The following IGSF11 variants were observed in gnomAD, a reference collection of about 807,000 sequenced individuals.
IGSF11 encodes the protein immunoglobulin superfamily member 11.
In IGSF11, 22 loss-of-function variants were observed where a neutral mutation model predicts 41.0. The observed-to-expected ratio is 0.54, with a 90% CI of 0.38 to 0.77. The LOEUF is 0.77. IGSF11 is among the 30% of genes least tolerant of loss of function. IGSF11 has a pLI of 0.00. For synonymous variants in IGSF11, 219 were observed against 201.3 expected (o/e 1.09, Z -0.74); for missense variants, 444 against 530.8 (o/e 0.84, Z 1.61).
chr3:119,117,936 C>T (rs150349343), intron 1 of IGSF11, among the ~76,000 whole-genome samples: 183 of 152,298 alleles, frequency 1.2e-3, no homozygotes, highest in African/African-American at 3.9e-3. Flanking sequence ...CCTATGACTC[C>T]GTGTCTCACA....
intron 1 of IGSF11, among the ~76,000 whole-genome samples, chr3:118,986,800 G>A (rs1325252334): frequency 6.6e-6 from 1 of 152,086 alleles, no homozygotes; most frequent in Non-Finnish European, 1.5e-5. Context: ...CACAGAAATT[G>A]AGCAAAAAGA....
chr3:118,960,000 G>A (rs556432110), intron 1 of IGSF11, among the ~76,000 whole-genome samples: 19 of 150,260 alleles, frequency 1.3e-4, no homozygotes, highest in African/African-American at 4.2e-4. Flanking sequence ...AGCGGAGATC[G>A]CGCCACTGCA....
chr3:118,905,784 G>C, intron 4 of IGSF11, 66 bp from the exon 5 acceptor site: 2 of 1,576,130 alleles, frequency 1.3e-6, no homozygotes, highest in Non-Finnish European at 1.7e-6. Flanking sequence ...AGAAATCAGC[G>C]GAAGACCATA....
intron 1 of IGSF11, among the ~76,000 whole-genome samples, chr3:119,136,102 T>C (rs377727444): frequency 2.6e-5 from 4 of 152,160 alleles, no homozygotes; most frequent in East Asian, 3.9e-4. Context: ...TTAGGAGAAA[T>C]ATCTAATGTA....
intron 1 of IGSF11, among the ~76,000 whole-genome samples, chr3:119,114,334 T>C (rs2077227216): frequency 2.0e-5 from 3 of 152,234 alleles, no homozygotes; most frequent in Admixed American, 2.0e-4. Context: ...ATATAAGTTC[T>C]AATTCCAGGT....
At chr3:118,952,910 T>C (rs1454283048) in intron 1 of IGSF11, among the ~76,000 whole-genome samples, 1 of 152,134 alleles carries the variant, frequency 6.6e-6, no homozygotes, top group Non-Finnish European at 1.5e-5. Context: ...AACTTTTTTT[T>C]ATTTCCATAG....
chr3:119,050,696 C>T (rs1216991353), intron 1 of IGSF11, among the ~76,000 whole-genome samples: 1 of 151,934 alleles, frequency 6.6e-6, no homozygotes, highest in East Asian at 1.9e-4. Context: ...CACATGCACA[C>T]GTATGTTTAT....
At chr3:119,130,677 C>G (rs1158927189) in intron 1 of IGSF11, among the ~76,000 whole-genome samples, 4 of 152,190 alleles carry the variant, frequency 2.6e-5, no homozygotes, top group Non-Finnish European at 5.9e-5. Context: ...CTTAAACGTC[C>G]CTGTCTGACA....
chr3:119,063,866 TCTTCA>T, intron 1 of IGSF11, among the ~76,000 whole-genome samples: 3 of 152,324 alleles, frequency 2.0e-5, no homozygotes, highest in Admixed American at 2.0e-4. Flanking sequence ...AATGTGAGTG[TCTTCA>T]CTTGCTCTGT....
chr3:118,950,407 A>G (rs1944485124), intron 1 of IGSF11, among the ~76,000 whole-genome samples: 1 of 152,152 alleles, frequency 6.6e-6, no homozygotes, highest in Non-Finnish European at 1.5e-5. Context: ...AGTGATAGCA[A>G]ATGTTGATTG....
intron 1 of IGSF11, among the ~76,000 whole-genome samples, chr3:118,964,331 A>C (rs1269981498): frequency 1.3e-5 from 2 of 152,212 alleles, no homozygotes; most frequent in African/African-American, 4.8e-5. Context: ...TTCCATAGAC[A>C]GTTAACCAAC....
intron 1 of IGSF11, among the ~76,000 whole-genome samples, chr3:119,072,533 C>T (rs944732764): frequency 2.0e-5 from 3 of 152,164 alleles, no homozygotes; most frequent in Non-Finnish European, 2.9e-5. Flanking sequence ...TTCTGATGTT[C>T]GGACGTGTTC....
Position 119,093,543 on chromosome 3 carries a change from G to A in IGSF11, c.49+11601C>T, listed in dbSNP as rs2076799615. Reference sequence around the variant, plus strand: ...TTAATAACCACGAGGTATCTTCAACGTCAATACCGAAAGCAAAGTATTGTC... The same window carrying A: ...TTAATAACCACGAGGTATCTTCAACATCAATACCGAAAGCAAAGTATTGTC... On this transcript the variant is annotated intron_variant, in intron 1 of 6. Coordinates refer to the IGSF11 transcript ENST00000354673. 2.6e-5 allele frequency among the ~76,000 whole-genome samples: 4 copies of A among 152,038 alleles called. No homozygotes were observed. The South Asian group carries it at 8.3e-4, about 32-fold the overall frequency.
chr3:118,989,028 A>G (rs1046549513), intron 1 of IGSF11, among the ~76,000 whole-genome samples: 2 of 152,232 alleles, frequency 1.3e-5, no homozygotes, highest in Non-Finnish European at 2.9e-5. Flanking sequence ...TTATAGGGTA[A>G]TAAGACCAAT....
At chr3:118,954,602 G>A (rs1283123622) in intron 1 of IGSF11, among the ~76,000 whole-genome samples, 2 of 152,098 alleles carry the variant, frequency 1.3e-5, no homozygotes, top group Non-Finnish European at 2.9e-5. Context: ...AAGATTTTCA[G>A]TGGACTTTGC....
chr3:118,906,925 T>C (rs1939674848), intron 4 of IGSF11, among the ~76,000 whole-genome samples: 1 of 152,172 alleles, frequency 6.6e-6, no homozygotes, highest in Non-Finnish European at 1.5e-5. Context: ...AGCTGGTTGT[T>C]AGGAAATTCA....
intron 1 of IGSF11, among the ~76,000 whole-genome samples, chr3:118,996,331 C>T (rs536031478): frequency 3.9e-5 from 6 of 152,316 alleles, no homozygotes; most frequent in African/African-American, 1.4e-4. Flanking sequence ...ACATTCCATA[C>T]ATTAAGTCCA....
intron 1 of IGSF11, among the ~76,000 whole-genome samples, chr3:119,089,745 C>G (rs140808091): frequency 1.4e-4 from 22 of 152,296 alleles, no homozygotes; most frequent in African/African-American, 5.3e-4. Context: ...CAAAATCAGG[C>G]TGGGCACAAT....
At chr3:118,916,080 C>T (rs1941047754) in intron 4 of IGSF11, among the ~76,000 whole-genome samples, 3 of 149,956 alleles carry the variant, frequency 2.0e-5, no homozygotes, top group Admixed American at 1.3e-4. Context: ...ACCACCAAGC[C>T]TGCCCTAAAA....
Sources: gnomAD v4.1 joint callset for allele counts (sites outside exome capture counted in the v4.1 genomes callset) on GRCh38, gnomAD v4.1.1 for gene constraint, MANE v1.5 for transcripts, NCBI Gene and HGNC (gene_info 2026-07-23, HGNC 2026-07-21) for gene names.